The following STK39 variants were observed in gnomAD, a reference collection of about 807,000 sequenced individuals.
The protein encoded by STK39 is STE20/SPS1-related proline-alanine-rich protein kinase.
In STK39, 20 loss-of-function variants were observed where a neutral mutation model predicts 77.8. That is an observed-to-expected ratio of 0.26 (90% CI 0.18 to 0.37). STK39 has a LOEUF of 0.37. Among genes scored for constraint, STK39 ranks in the 10% least tolerant of loss-of-function variants. The pLI, the probability that STK39 is intolerant of heterozygous loss-of-function variation, is 1.00. For synonymous variants in STK39, 246 were observed against 234.1 expected (o/e 1.05, Z -0.47); for missense variants, 479 against 656.5 (o/e 0.73, Z 2.95).
intron 16 of STK39, among the ~76,000 whole-genome samples, chr2:167,987,849 A>T (rs1031618115): frequency 1.1e-4 from 16 of 152,224 alleles, no homozygotes; most frequent in African/African-American, 3.9e-4. Context: ...AGAGTAATAA[A>T]GCAGTTCAGA....
intron 14 of STK39, among the ~76,000 whole-genome samples, chr2:168,034,156 C>T (rs377383677): frequency 5.1e-4 from 78 of 152,316 alleles, no homozygotes; most frequent in African/African-American, 1.8e-3. Context: ...AGGCAGGCCC[C>T]TGCATGTCCT....
At chr2:168,206,291 T>A (rs994152236) in intron 1 of STK39, among the ~76,000 whole-genome samples, 4 of 151,720 alleles carry the variant, frequency 2.6e-5, no homozygotes, top group Admixed American at 1.3e-4. Context: ...CAGACTCTTT[T>A]TCTTTTCTTT....
rs562754191 is a variant in STK39, at chr2:168,027,078, TGA to T, written c.1377-9985_1377-9984del. Among the ~76,000 whole-genome samples, 39 of 152,302 alleles carry T rather than the reference TGA, an allele frequency of 2.6e-4. No homozygotes were observed. In the South Asian group the frequency reaches 2.9e-3, roughly 11 times the overall value. On this transcript the variant is annotated intron_variant, in intron 14 of 17. Coordinates refer to ENST00000355999, the MANE Select transcript of STK39 (RefSeq NM_013233.3). ...ATATACTAGAGGAAAAAAGAACCAC[TGA>T]GTTTGTTGAGGTTGGAGGGTGGGTA...
At chr2:168,119,965 T>A (rs1692183433) in intron 10 of STK39, among the ~76,000 whole-genome samples, 1 of 152,186 alleles carries the variant, frequency 6.6e-6, no homozygotes, top group African/African-American at 2.4e-5. Context: ...TGGCCTTGGT[T>A]AAGGCTCGAC....
At chr2:168,062,046 C>T (rs569377037) in intron 14 of STK39, among the ~76,000 whole-genome samples, 10 of 152,186 alleles carry the variant, frequency 6.6e-5, no homozygotes, top group South Asian at 6.2e-4. Flanking sequence ...ATGGAGAAAA[C>T]GTGAGCTTTA....
At chr2:168,144,343 G>A (rs773072266) in intron 5 of STK39, among the ~76,000 whole-genome samples, 20 of 151,768 alleles carry the variant, frequency 1.3e-4, no homozygotes, top group African/African-American at 2.7e-4. Context: ...TCGCTCTGTC[G>A]CCCAAGGTGG....
intron 14 of STK39, among the ~76,000 whole-genome samples, chr2:168,044,930 G>A (rs1337457427): frequency 6.6e-6 from 1 of 151,960 alleles, no homozygotes; most frequent in Non-Finnish European, 1.5e-5. Context: ...GTAAGTACAG[G>A]AAAAAATGAG....
chr2:168,058,397 G>T (rs971284053), intron 14 of STK39, among the ~76,000 whole-genome samples: 5 of 152,074 alleles, frequency 3.3e-5, no homozygotes, highest in Non-Finnish European at 7.4e-5. Flanking sequence ...TGCAACATCT[G>T]TGACAGTACC....
intron 10 of STK39, among the ~76,000 whole-genome samples, chr2:168,083,248 G>A (rs1156594899): frequency 7.3e-5 from 10 of 137,132 alleles, no homozygotes; most frequent in African/African-American, 2.8e-4. Flanking sequence ...TTTTTTTTAA[G>A]CTAAGAAGCT....
chr2:168,144,994 AG>A, intron 5 of STK39, among the ~76,000 whole-genome samples: 2 of 151,992 alleles, frequency 1.3e-5, no homozygotes, highest in Non-Finnish European at 2.9e-5. Context: ...AAAAAAAAAA[AG>A]AATATTCCCA....
intron 17 of STK39, among the ~76,000 whole-genome samples, chr2:167,958,004 C>A (rs922186494): frequency 1.3e-5 from 2 of 152,226 alleles, no homozygotes; most frequent in African/African-American, 4.8e-5. Flanking sequence ...GCCCTCCTTC[C>A]TCTGCTACCT....
intron 12 of STK39, among the ~76,000 whole-genome samples, chr2:168,070,182 C>T (rs1276457243): frequency 3.3e-5 from 5 of 152,090 alleles, no homozygotes; most frequent in East Asian, 1.9e-4. Flanking sequence ...ACCCCTTCCC[C>T]GACCCCCAAA....
intron 8 of STK39, among the ~76,000 whole-genome samples, chr2:168,134,895 T>C (rs1483426742): frequency 6.6e-6 from 1 of 152,180 alleles, no homozygotes; most frequent in Non-Finnish European, 1.5e-5. Flanking sequence ...AGGTTACAGG[T>C]AGATGATCTA....
intron 16 of STK39, among the ~76,000 whole-genome samples, chr2:167,985,006 CAG>C (rs1683520971): frequency 6.6e-6 from 1 of 152,146 alleles, no homozygotes; most frequent in East Asian, 1.9e-4. Flanking sequence ...GTGGACATTA[CAG>C]TACCTGGCTT....
At chr2:168,079,512 G>C (rs1357261436) in intron 10 of STK39, among the ~76,000 whole-genome samples, 1 of 152,198 alleles carries the variant, frequency 6.6e-6, no homozygotes, top group African/African-American at 2.4e-5. Flanking sequence ...CATGATGCCT[G>C]GTGCCACTAC....
At chr2:168,162,568 T>C (rs1415365790) in intron 4 of STK39, among the ~76,000 whole-genome samples, 2 of 152,144 alleles carry the variant, frequency 1.3e-5, no homozygotes, top group African/African-American at 4.8e-5. Flanking sequence ...TTAATTATCT[T>C]TCTGAAAAAT....
chr2:168,160,067 T>G (rs1688530971), intron 5 of STK39, among the ~76,000 whole-genome samples: 1 of 152,056 alleles, frequency 6.6e-6, no homozygotes, highest in Non-Finnish European at 1.5e-5. Flanking sequence ...AAAAGGACAA[T>G]GTGTTCCAGA....
chr2:168,012,242 G>A (rs1045403037), intron 16 of STK39, among the ~76,000 whole-genome samples: 9 of 151,232 alleles, frequency 6.0e-5, no homozygotes, highest in African/African-American at 1.5e-4. Flanking sequence ...GCGTGATCTC[G>A]GCTCACTGCA....
Position 168,163,725 on chromosome 2 carries a change from T to C in STK39, c.572+14A>G. 6.2e-7 allele frequency: 1 copy of C among 1,613,780 alleles called. No individual in the cohort carries two copies. Among genetic ancestry groups the C allele is most frequent in the South Asian group, 1.1e-5 (1 of 91,062 alleles). On this transcript the variant is annotated intron_variant, in intron 4 of 17. Transcript: ENST00000355999. The stretch of plus-strand genomic sequence containing the variant: ...ATGAACATCTGAATTTAAACATCTC[T>C]GCAGAGGTCATACCTGTGAATCTGA...
Sources: gnomAD v4.1 joint callset for allele counts (sites outside exome capture counted in the v4.1 genomes callset) on GRCh38, gnomAD v4.1.1 for gene constraint, MANE v1.5 for transcripts, NCBI Gene and HGNC (gene_info 2026-07-23, HGNC 2026-07-21) for gene names.